DMBX1: variants seen among roughly 807,000 people sequenced by gnomAD.
DMBX1 encodes the protein diencephalon/mesencephalon homeobox protein 1.
Under a neutral mutation model 30.4 loss-of-function variants are expected in DMBX1, and 7 were observed. The observed-to-expected ratio is 0.23, with a 90% CI of 0.13 to 0.43. The LOEUF (loss-of-function observed/expected upper bound fraction) is 0.43. Among genes scored for constraint, DMBX1 ranks in the 20% least tolerant of loss-of-function variants. The probability of loss-of-function intolerance (pLI) is 1.00; values close to 1 mark genes in which losing one functional copy is unlikely to be tolerated. For synonymous variants in DMBX1, 222 were observed against 214.2 expected, an observed-to-expected ratio of 1.04 and a Z score of -0.32; for missense variants, 460 against 508.5, an observed-to-expected ratio of 0.90 and a Z score of 0.92.
rs1557790146 is a variant in DMBX1 at position 46,510,642 on chromosome 1, G to A, written c.321G>A (p.Glu107=). The change falls in exon 4 of 6, where the codon GAG becomes GAA. Residue 107 remains glutamate (E), a synonymous_variant. Transcript: ENST00000360032. The surrounding 1 kb of genome is among the most constrained non-coding windows in gnomAD (Gnocchi z 4.1). ...ERLAMCTNLP[E]ARVQVWFKNR... is the part of the protein sequence containing the mutation. ...TGGCCATGTGCACCAACCTGCCTGA[G>A]GCCCGGGTGCAGGTAGGGCCCAACT... The A allele has an allele frequency of 6.2e-7, 1 of 1,613,848 alleles. No individual in the cohort carries two copies.
In DMBX1 at chr1:46,491,259, A is replaced by G. The variant is rs1379772105; in HGVS notation, c.-13+476A>G. ...CCTCAGGCTTGTGATTTGCGGCAGG[A>G]AGGAGTCCCGGAATGGAAGAACGGG... is the stretch of plus-strand genomic sequence containing the variant. On this transcript the variant is annotated intron_variant, in intron 2 of 5. Transcript: ENST00000360032. This position sits in a 1 kb window ranked among gnomAD's most constrained non-coding sequence, Gnocchi z 5.5. Among the ~76,000 whole-genome samples the G allele has an allele frequency of 2.6e-5, 4 of 152,210 alleles. No individual in the cohort carries two copies. The highest frequency in any genetic ancestry group is 4.1e-4 in the South Asian group (2 of 4,822).
At position 46,513,310 on chromosome 1, in the gene DMBX1, T is replaced by C. The variant is rs1018911962; in HGVS notation, c.*816T>C. 2 of 152,150 alleles carry C rather than the reference T, an allele frequency of 1.3e-5. No homozygotes were observed. The highest frequency in any genetic ancestry group is 4.8e-5 in the African/African-American group (2 of 41,388). The allele number at this position is 152,150 out of a possible 1,614,324, so 9.4% of individuals were successfully genotyped here. On this transcript the variant is annotated 3_prime_UTR_variant, in exon 6 of 6. Coordinates refer to ENST00000360032, the MANE Select transcript of DMBX1 (RefSeq NM_172225.2). ...GGAAGCTGTTCCTTTCTATGCCCAATAGAAGCAACAAGGCCCTAGCTGGAG... is the reference window on the plus strand; with the variant it reads ...GGAAGCTGTTCCTTTCTATGCCCAACAGAAGCAACAAGGCCCTAGCTGGAG...
rs201376315 is a variant in DMBX1, at chr1:46,512,003, C to T, written c.683-40C>T. Reference sequence around the variant, plus strand: ...GCACCTCTCCTGGCAGACCAATGCCCTTGTCCTGAGGGCTTTGTTCTTGGG... The same window carrying T: ...GCACCTCTCCTGGCAGACCAATGCCTTTGTCCTGAGGGCTTTGTTCTTGGG... On this transcript the variant is annotated intron_variant, in intron 5 of 5. Coordinates refer to ENST00000360032, the MANE Select transcript of DMBX1 (RefSeq NM_172225.2). The surrounding 1 kb of genome is among the most constrained non-coding windows in gnomAD (Gnocchi z 4.8). The T allele has an allele frequency of 3.7e-5, 59 of 1,579,604 alleles. No homozygotes were observed. The Admixed American group carries it at 9.4e-4, about 25-fold the overall frequency.
chr1:46,512,299 G>T lies in DMBX1; in HGVS notation c.939G>T (p.Gln313His), dbSNP rs757432246. 6.2e-6 allele frequency: 10 copies of T among 1,613,582 alleles called. No individual in the cohort carries two copies. In the South Asian group the frequency reaches 1.1e-4, roughly 18 times the overall value. ...NMAPLGSLHCQSYYQSLSAAA... is the reference protein window; with the variant it reads ...NMAPLGSLHCHSYYQSLSAAA... ...CCCCGCTGGGCTCACTGCACTGCCA[G>T]TCCTACTACCAGTCCCTGTCAGCAG... is the stretch of plus-strand genomic sequence containing the variant. The change falls in exon 6 of 6, where the codon CAG becomes CAT. Residue 313 changes from glutamine to histidine, a missense_variant. Gln to His is a conservative substitution (Grantham distance 24, BLOSUM62 0). This residue lies in a region of DMBX1 where 334 missense variants were observed against 345.1 expected (regional missense o/e 0.97). Transcript: ENST00000360032. This position sits in a 1 kb window ranked among gnomAD's most constrained non-coding sequence, Gnocchi z 4.8.
At chr1:46,500,801 G>T (rs899439999) in intron 2 of DMBX1, among the ~76,000 whole-genome samples, 3 of 151,952 alleles carry the variant, frequency 2.0e-5, no homozygotes, top group African/African-American at 7.3e-5. Flanking sequence ...GTTTTAAATT[G>T]CGGTGCTGTA....
At chr1:46,507,554 T>C (rs906388899) in intron 3 of DMBX1, among the ~76,000 whole-genome samples, 5 of 152,152 alleles carry the variant, frequency 3.3e-5, no homozygotes, top group Non-Finnish European at 5.9e-5. Flanking sequence ...GCACAGGGAA[T>C]TGTAAATAAC....
chr1:46,506,911 C>T (rs1666245836), intron 2 of DMBX1, 88 bp from the exon 3 acceptor site: 1 of 1,463,380 alleles, frequency 6.8e-7, no homozygotes, highest in Non-Finnish European at 9.4e-7. Flanking sequence ...AGAAGGTGGG[C>T]ATCCAGGGTC....
intron 2 of DMBX1, among the ~76,000 whole-genome samples, chr1:46,498,311 C>G (rs1052316675): frequency 6.6e-6 from 1 of 152,184 alleles, no homozygotes; most frequent in Non-Finnish European, 1.5e-5. Context: ...GGTCCTGCCT[C>G]CCTCACAATC....
In DMBX1 at chr1:46,493,658, G is replaced by A. The variant is rs1250390051; in HGVS notation, c.-13+2875G>A. On this transcript the variant is annotated intron_variant, in intron 2 of 5. Coordinates refer to ENST00000360032, the MANE Select transcript of DMBX1 (RefSeq NM_172225.2). This position sits in a 1 kb window ranked among gnomAD's most constrained non-coding sequence, Gnocchi z 4.1. ...TCCCTCTGGTCTACAGCCACTGTGG[G>A]CGCTGCTTCCATGAGCCCCGAGGCC... Among the ~76,000 whole-genome samples, 1 of 152,368 alleles carries A rather than the reference G, an allele frequency of 6.6e-6. No homozygotes were observed. Among genetic ancestry groups the A allele is most frequent in the Non-Finnish European group, 1.5e-5 (1 of 68,036 alleles).
chr1:46,494,629 C>T (rs1350983654), intron 2 of DMBX1, among the ~76,000 whole-genome samples: 1 of 152,180 alleles, frequency 6.6e-6, no homozygotes, highest in African/African-American at 2.4e-5. Context: ...CCACTGGGCC[C>T]CCATCCCTGA....
In DMBX1 at chr1:46,512,924, A is replaced by T. The variant is rs1400859240; in HGVS notation, c.*430A>T. 1 of 159,876 alleles carries T rather than the reference A, an allele frequency of 6.3e-6. No homozygotes were observed. Among genetic ancestry groups the T allele is most frequent in the East Asian group, 1.9e-4 (1 of 5,390 alleles). 9.9% of individuals were successfully genotyped at this position (159,876 alleles called of 1,614,324 possible). A position where few individuals can be genotyped will look rare whatever the true frequency, so the allele number is the denominator to read the frequency against. On this transcript the variant is annotated 3_prime_UTR_variant, in exon 6 of 6. Transcript: ENST00000360032. This position sits in a 1 kb window ranked among gnomAD's most constrained non-coding sequence, Gnocchi z 4.8. ...GCCCCAGGCCCCCTGCCCCACTCCC[A>T]TCTCTTCTTCCCTGCCACCCCTCCC...
At chr1:46,511,585 C>G (rs1666372974) in intron 5 of DMBX1, among the ~76,000 whole-genome samples, 1 of 152,186 alleles carries the variant, frequency 6.6e-6, no homozygotes, top group African/African-American at 2.4e-5. Context: ...CCAGTGCATA[C>G]TGGGCGAATA....
chr1:46,492,485 G>A (rs147514237), intron 2 of DMBX1, among the ~76,000 whole-genome samples: 1 of 152,244 alleles, frequency 6.6e-6, no homozygotes, highest in Non-Finnish European at 1.5e-5. Context: ...AGCCCTTAGT[G>A]CCAGCCTCTT....
chr1:46,500,329 G>C (rs114544849), intron 2 of DMBX1, among the ~76,000 whole-genome samples: 13 of 151,162 alleles, frequency 8.6e-5, no homozygotes, highest in African/African-American at 3.1e-4. Context: ...CGATAATTAA[G>C]TCAATTAAAA....
chr1:46,514,084 A>G lies in DMBX1; in HGVS notation c.*1590A>G, dbSNP rs1051175767. Reference sequence around the variant, plus strand: ...AAAAATTAGCTGGGCGTGGTGGCACATGCCTGTAATCCCAGCTACTTGGGA... The same window carrying G: ...AAAAATTAGCTGGGCGTGGTGGCACGTGCCTGTAATCCCAGCTACTTGGGA... On this transcript the variant is annotated 3_prime_UTR_variant, in exon 6 of 6. Coordinates refer to ENST00000360032, the MANE Select transcript of DMBX1 (RefSeq NM_172225.2). The G allele has an allele frequency of 6.6e-6, 1 of 152,218 alleles. No homozygotes were observed. Among genetic ancestry groups the G allele is most frequent in the Non-Finnish European group, 1.5e-5 (1 of 68,084 alleles). 9.4% of individuals were successfully genotyped at this position (152,218 alleles called of 1,614,324 possible).
At position 46,513,455 on chromosome 1, in the gene DMBX1, GT is replaced by G. The variant is rs1477353398; in HGVS notation, c.*962del. On this transcript the variant is annotated 3_prime_UTR_variant, in exon 6 of 6. Transcript: ENST00000360032. ...TCTCTTCTCTCTTCTCAATTTTGAG[GT>G]CCTCATTCCCAAGATTGAGGAGGCA... 2.0e-5 allele frequency: 3 copies of G among 152,160 alleles called. No individual in the cohort carries two copies. The highest frequency in any genetic ancestry group is 4.4e-5 in the Non-Finnish European group (3 of 68,032). The allele number at this position is 152,160 out of a possible 1,614,324, so 9.4% of individuals were successfully genotyped here. A position where few individuals can be genotyped will look rare whatever the true frequency, so the allele number is the denominator to read the frequency against.
chr1:46,503,227 C>A (rs1222200875), intron 2 of DMBX1, among the ~76,000 whole-genome samples: 1 of 152,250 alleles, frequency 6.6e-6, no homozygotes, highest in Non-Finnish European at 1.5e-5. Flanking sequence ...CTTCAAGTTT[C>A]TGCTCAAATG....
Position 46,512,084 on chromosome 1 carries a change from G to A in DMBX1, c.724G>A (p.Gly242Ser), listed in dbSNP as rs1356090340. The A allele has an allele frequency of 1.2e-6, 2 of 1,613,348 alleles. No homozygotes were observed. Among genetic ancestry groups the A allele is most frequent in the East Asian group, 2.2e-5 (1 of 44,866 alleles). ...GACCATCACTCCTGTGGCCCCAGGG[G>A]GTGGCCTCCTGGGCCCCTCCCACTC... Reference protein sequence around the residue: ...SLTITPVAPGGGLLGPSHSYS... With the variant: ...SLTITPVAPGSGLLGPSHSYS... Residue 242 changes from glycine (G) to serine (S), a missense_variant, in exon 6 of 6, where the codon GGT (glycine) becomes AGT (serine). Transcript: ENST00000360032. This position sits in a 1 kb window ranked among gnomAD's most constrained non-coding sequence, Gnocchi z 4.8.
chr1:46,509,240 T>G (rs1354998712), intron 3 of DMBX1, among the ~76,000 whole-genome samples: 27 of 152,074 alleles, frequency 1.8e-4, no homozygotes, highest in Admixed American at 1.8e-3. Flanking sequence ...GCTCAGCTAA[T>G]TTTTTGTATT....
Sources: gnomAD v4.1 joint callset for allele counts (sites outside exome capture counted in the v4.1 genomes callset) on GRCh38, gnomAD v4.1.1 for gene constraint, gnomAD v4.1.1 regional missense constraint, Gnocchi (gnomAD v3.1) non-coding constraint, MANE v1.5 for transcripts, NCBI Gene and HGNC (gene_info 2026-07-23, HGNC 2026-07-21) for gene names.